The following CCM2 variants were observed in gnomAD, a reference collection of about 807,000 sequenced individuals.
CCM2 encodes the protein cerebral cavernous malformations 2 protein.
In CCM2, 25 loss-of-function variants were observed where a neutral mutation model predicts 44.9. That is an observed-to-expected ratio of 0.56 (90% CI 0.41 to 0.78). The LOEUF is 0.78. Among genes scored for constraint, CCM2 ranks in the 30% least tolerant of loss-of-function variants. The pLI is 0.00. For synonymous variants in CCM2, 219 were observed against 241.1 expected, an observed-to-expected ratio of 0.91 and a Z score of 0.85; for missense variants, 481 against 580.6, an observed-to-expected ratio of 0.83 and a Z score of 1.76.
At chr7:45,069,799 C>G in intron 5 of CCM2, 27 bp from the exon 6 acceptor site, 24 of 1,613,626 alleles carry the variant, frequency 1.5e-5, no homozygotes, top group Non-Finnish European at 2.0e-5. Flanking sequence ...GCCAGACTGA[C>G]CGAGCAGCTG....
chr7:45,075,183 C>G (rs1441001654), intron 9 of CCM2, among the ~76,000 whole-genome samples: 1 of 152,234 alleles, frequency 6.6e-6, no homozygotes, highest in African/African-American at 2.4e-5. Context: ...GTGCCTGCCC[C>G]TTCTGTGCTG....
At chr7:45,030,271 G>A (rs902457088) in intron 1 of CCM2, among the ~76,000 whole-genome samples, 1 of 152,186 alleles carries the variant, frequency 6.6e-6, no homozygotes, top group Non-Finnish European at 1.5e-5. Context: ...GTGATGAACA[G>A]GCATACTCAA....
chr7:45,002,543 G>A (rs1342963388), intron 1 of CCM2, among the ~76,000 whole-genome samples: 1 of 151,492 alleles, frequency 6.6e-6, no homozygotes, highest in Non-Finnish European at 1.5e-5. Context: ...ACTTGTCTTG[G>A]TGTCTGCCAA....
intron 7 of CCM2, 78 bp from the exon 8 acceptor site, chr7:45,073,382 A>G: frequency 1.1e-6 from 1 of 900,400 alleles, no homozygotes. Context: ...CACACACGGC[A>G]TGGACTAGGT....
At chr7:45,011,566 T>A (rs181885157) in intron 1 of CCM2, among the ~76,000 whole-genome samples, 4 of 152,200 alleles carry the variant, frequency 2.6e-5, no homozygotes, top group African/African-American at 4.8e-5. Flanking sequence ...TTTATTTATT[T>A]ACTGAGATGG....
intron 1 of CCM2, among the ~76,000 whole-genome samples, chr7:45,018,645 T>C (rs926499643): frequency 4.3e-4 from 66 of 152,118 alleles, no homozygotes; most frequent in African/African-American, 1.6e-3. Flanking sequence ...CATGCCCAGC[T>C]TCTTTTGGCA....
At chr7:45,030,810 A>G (rs1583883590) in intron 1 of CCM2, among the ~76,000 whole-genome samples, 1 of 151,836 alleles carries the variant, frequency 6.6e-6, no homozygotes, top group African/African-American at 2.4e-5. Flanking sequence ...TGCAACTGCT[A>G]CCTCCCAGGT....
At chr7:45,051,327 G>A (rs1442974802) in intron 2 of CCM2, among the ~76,000 whole-genome samples, 1 of 152,134 alleles carries the variant, frequency 6.6e-6, no homozygotes, top group East Asian at 1.9e-4. Context: ...TCCTTTCAGG[G>A]TGTCATCTCC....
intron 4 of CCM2, 96 bp from the exon 5 acceptor site, chr7:45,068,347 T>C: frequency 6.5e-7 from 1 of 1,536,904 alleles, no homozygotes; most frequent in Non-Finnish European, 9.0e-7. Context: ...GTAAAGGTCC[T>C]CTCAGCCTGT....
intron 2 of CCM2, among the ~76,000 whole-genome samples, chr7:45,050,046 G>T (rs944625464): frequency 1.3e-5 from 2 of 152,198 alleles, no homozygotes; most frequent in Admixed American, 1.3e-4. Flanking sequence ...GGTCCCATGA[G>T]ATTATAAGGG....
chr7:45,023,177 T>G (rs531125030), intron 1 of CCM2, among the ~76,000 whole-genome samples: 1 of 152,292 alleles, frequency 6.6e-6, no homozygotes, highest in East Asian at 1.9e-4. Flanking sequence ...TGTGCCTTTG[T>G]GTAGCCATAG....
chr7:45,018,187 G>A (rs184209530), intron 1 of CCM2, among the ~76,000 whole-genome samples: 28 of 152,236 alleles, frequency 1.8e-4, no homozygotes, highest in East Asian at 9.6e-4. Context: ...CACAGGAGGC[G>A]GGGCTCAGGT....
chr7:45,010,454 A>G (rs950361906), intron 1 of CCM2, among the ~76,000 whole-genome samples: 13 of 152,128 alleles, frequency 8.5e-5, no homozygotes, highest in African/African-American at 3.1e-4. Flanking sequence ...TTGTGCAGGG[A>G]TCACTGTACT....
At chr7:45,030,999 CA>C (rs1796939807) in intron 1 of CCM2, among the ~76,000 whole-genome samples, 2 of 151,994 alleles carry the variant, frequency 1.3e-5, no homozygotes, top group Admixed American at 6.6e-5. Context: ...GGTGTGATTA[CA>C]GGCGTGAGTC....
At chr7:45,050,025 CAT>C (rs1169920486) in intron 2 of CCM2, among the ~76,000 whole-genome samples, 1 of 152,242 alleles carries the variant, frequency 6.6e-6, no homozygotes, top group Non-Finnish European at 1.5e-5. Context: ...ACAGACCACA[CAT>C]ATGACAATGG....
intron 1 of CCM2, among the ~76,000 whole-genome samples, chr7:45,031,133 A>G (rs1418058136): frequency 1.3e-5 from 2 of 151,892 alleles, no homozygotes; most frequent in Non-Finnish European, 2.9e-5. Context: ...CTGTAATCCC[A>G]GCACTTTGGG....
At chr7:45,020,737 T>G (rs1323283200) in intron 1 of CCM2, among the ~76,000 whole-genome samples, 2 of 152,204 alleles carry the variant, frequency 1.3e-5, no homozygotes, top group Non-Finnish European at 2.9e-5. Flanking sequence ...TGCTAAAAAT[T>G]TTGAGTATTT....
At chr7:45,019,679 C>G (rs1300866060) in intron 1 of CCM2, among the ~76,000 whole-genome samples, 10 of 152,038 alleles carry the variant, frequency 6.6e-5, no homozygotes, top group Non-Finnish European at 2.9e-5. Flanking sequence ...AACTTCTGGG[C>G]TCAAGCAATT....
chr7:45,048,015 C>T (rs1394064985), intron 2 of CCM2, among the ~76,000 whole-genome samples: 4 of 151,606 alleles, frequency 2.6e-5, no homozygotes, highest in Admixed American at 2.0e-4. Flanking sequence ...GAAAAATTAT[C>T]TAAGTTGTAA....
Sources: allele counts gnomAD v4.1 joint callset (sites outside exome capture counted in the v4.1 genomes callset), GRCh38; gene constraint gnomAD v4.1.1; transcripts MANE v1.5; gene names NCBI Gene and HGNC (gene_info 2026-07-23, HGNC 2026-07-21).